Variants in CSMD1 observed in about 807,000 individuals in gnomAD.
CSMD1 encodes the protein CUB and sushi domain-containing protein 1.
In CSMD1, 213 loss-of-function variants were observed where a neutral mutation model predicts 417.5. The observed-to-expected ratio is 0.51, with a 90% CI of 0.46 to 0.57. CSMD1 has a LOEUF of 0.57. CSMD1 is among the 20% of genes least tolerant of loss of function. CSMD1 has a pLI of 0.00. For synonymous variants in CSMD1, 2,862 were observed against 1,736.8 expected, an observed-to-expected ratio of 1.65 and a Z score of -16.11; for missense variants, 6,923 against 4,529.7, an observed-to-expected ratio of 1.53 and a Z score of -15.17.
chr8:3,555,516 A>C (rs111543074), intron 10 of CSMD1, among the ~76,000 whole-genome samples: 7,810 of 152,234 alleles, frequency 0.051, 219 homozygotes, highest in African/African-American at 0.07. Context: ...ACTGAGCCCC[A>C]TTTGCAAAAA....
intron 10 of CSMD1, among the ~76,000 whole-genome samples, chr8:3,542,545 G>C (rs1018742819): frequency 2.6e-5 from 4 of 152,134 alleles, no homozygotes; most frequent in African/African-American, 9.7e-5. Flanking sequence ...GACTGGGAAG[G>C]AACACGGAAC....
intron 3 of CSMD1, among the ~76,000 whole-genome samples, chr8:4,231,823 A>C (rs1801751933): frequency 6.6e-6 from 1 of 152,200 alleles, no homozygotes. Flanking sequence ...CCAGTATAGG[A>C]AAAGCACCCA....
intron 1 of CSMD1, among the ~76,000 whole-genome samples, chr8:4,716,122 G>C (rs1041038022): frequency 2.0e-5 from 3 of 152,162 alleles, no homozygotes; most frequent in Admixed American, 6.5e-5. Context: ...TCACAGAGCT[G>C]TGAGATGACC....
chr8:3,662,936 C>T (rs1420759228), intron 7 of CSMD1, among the ~76,000 whole-genome samples: 2 of 152,074 alleles, frequency 1.3e-5, no homozygotes, highest in Admixed American at 1.3e-4. Flanking sequence ...AGCAAACCAC[C>T]ATGGCACATG....
chr8:4,055,679 T>G (rs1261155371), intron 3 of CSMD1, among the ~76,000 whole-genome samples: 1 of 152,100 alleles, frequency 6.6e-6, no homozygotes, highest in Non-Finnish European at 1.5e-5. Flanking sequence ...GCCACCAAAG[T>G]AACAATATAC....
At chr8:3,297,870 G>T (rs1220982709) in intron 25 of CSMD1, among the ~76,000 whole-genome samples, 1 of 152,038 alleles carries the variant, frequency 6.6e-6, no homozygotes, top group Non-Finnish European at 1.5e-5. Flanking sequence ...AAATTATTAT[G>T]ACTCATTGGA....
chr8:4,441,719 G>C (rs926293563), intron 2 of CSMD1, among the ~76,000 whole-genome samples: 1 of 152,068 alleles, frequency 6.6e-6, no homozygotes, highest in African/African-American at 2.4e-5. Flanking sequence ...TGAGGTACAG[G>C]AGATAAATGA....
intron 3 of CSMD1, among the ~76,000 whole-genome samples, chr8:4,108,163 T>C (rs1468154712): frequency 6.6e-6 from 1 of 151,814 alleles, no homozygotes; most frequent in East Asian, 1.9e-4. Context: ...GAGACAGTTT[T>C]ATTTTTATTA....
chr8:3,213,958 G>A (rs771036167), intron 30 of CSMD1, among the ~76,000 whole-genome samples: 56 of 151,652 alleles, frequency 3.7e-4, no homozygotes, highest in Non-Finnish European at 5.7e-4. Context: ...CGATTCTCCT[G>A]CCTCACCCTA....
intron 3 of CSMD1, among the ~76,000 whole-genome samples, chr8:4,163,604 G>C (rs896888277): frequency 1.3e-5 from 2 of 152,056 alleles, no homozygotes; most frequent in Non-Finnish European, 1.5e-5. Flanking sequence ...TAAAGTGAGT[G>C]TTTTTTCAAA....
intron 2 of CSMD1, among the ~76,000 whole-genome samples, chr8:4,479,091 A>G (rs1364577452): frequency 1.3e-5 from 2 of 152,202 alleles, no homozygotes; most frequent in Non-Finnish European, 2.9e-5. Flanking sequence ...AAGAAATAAG[A>G]CACAGTTATA....
chr8:3,877,761 T>C (rs1805927018), intron 5 of CSMD1, among the ~76,000 whole-genome samples: 1 of 152,232 alleles, frequency 6.6e-6, no homozygotes. Flanking sequence ...CTTTGATATG[T>C]AAATCTAGCG....
At chr8:3,677,080 T>TAG (rs1361808896) in intron 7 of CSMD1, among the ~76,000 whole-genome samples, 1 of 151,964 alleles carries the variant, frequency 6.6e-6, no homozygotes, top group Non-Finnish European at 1.5e-5. Flanking sequence ...AGACATTGGG[T>TAG]AGATAGGTGC....
At chr8:4,988,365 A>G (rs376055950) in intron 1 of CSMD1, among the ~76,000 whole-genome samples, 2 of 152,234 alleles carry the variant, frequency 1.3e-5, no homozygotes, top group East Asian at 3.8e-4. Flanking sequence ...AACTTTTACC[A>G]AGCTAAAACT....
intron 5 of CSMD1, among the ~76,000 whole-genome samples, chr8:3,961,486 C>T (rs1051331718): frequency 2.2e-4 from 33 of 152,058 alleles, no homozygotes; most frequent in Non-Finnish European, 4.3e-4. Flanking sequence ...AAGTCTAGCC[C>T]CATATGCGTT....
At chr8:4,631,535 C>T (rs896275365) in intron 2 of CSMD1, among the ~76,000 whole-genome samples, 2 of 151,976 alleles carry the variant, frequency 1.3e-5, no homozygotes, top group Non-Finnish European at 2.9e-5. Flanking sequence ...AATTGAGACC[C>T]TTTCTTTAGC....
intron 5 of CSMD1, among the ~76,000 whole-genome samples, chr8:3,996,268 C>A (rs1815205466): frequency 6.6e-6 from 1 of 152,100 alleles, no homozygotes; most frequent in Non-Finnish European, 1.5e-5. Flanking sequence ...AAAAATAAGA[C>A]CTTTAACTTT....
intron 3 of CSMD1, among the ~76,000 whole-genome samples, chr8:4,315,787 C>T (rs968564402): frequency 7.7e-6 from 1 of 130,718 alleles, no homozygotes; most frequent in African/African-American, 2.5e-5. Flanking sequence ...ACATATTTTG[C>T]ATAAAGTAAT....
chr8:3,276,127 TTG>T (rs765028793), intron 26 of CSMD1, among the ~76,000 whole-genome samples: 5 of 152,190 alleles, frequency 3.3e-5, no homozygotes, highest in Non-Finnish European at 7.3e-5. Flanking sequence ...TCATTTCTGT[TTG>T]TTAGTTTTCC....
Sources: gnomAD v4.1 joint callset for allele counts (sites outside exome capture counted in the v4.1 genomes callset) on GRCh38, gnomAD v4.1.1 for gene constraint, MANE v1.5 for transcripts, NCBI Gene and HGNC (gene_info 2026-07-23, HGNC 2026-07-21) for gene names.